LETM2: variants seen among roughly 807,000 people sequenced by gnomAD.
The protein encoded by LETM2 is LETM1 domain-containing protein LETM2, mitochondrial.
In LETM2, 58 loss-of-function variants were observed where a neutral mutation model predicts 59.6. That is an observed-to-expected ratio of 0.97 (90% confidence interval 0.79 to 1.21). LETM2 has a LOEUF of 1.21. Among genes scored for constraint, LETM2 ranks in the 50% most tolerant of loss-of-function variants. LETM2 has a pLI of 0.00. For missense variants in LETM2, 572 were observed against 575.7 expected (o/e 0.99, Z 0.07); for synonymous variants, 199 against 214.1 (o/e 0.93, Z 0.62).
chr8:38,390,875 G>T (rs1319155985), intron 2 of LETM2, among the ~76,000 whole-genome samples: 1 of 151,042 alleles, frequency 6.6e-6, no homozygotes, highest in Non-Finnish European at 1.5e-5. Flanking sequence ...TAGAGATGGG[G>T]TTTCACCATG....
intron 3 of LETM2, chr8:38,393,433 T>G: frequency 6.0e-6 from 1 of 166,210 alleles, no homozygotes; most frequent in Non-Finnish European, 1.3e-5. Context: ...TCACTTGAGG[T>G]CAGGAGTTCA....
rs1389953163 is a variant in LETM2, at chr8:38,400,944, C to T, written c.875C>T (p.Pro292Leu). 1.2e-6 allele frequency: 2 copies of T among 1,614,166 alleles called. No homozygotes were observed. The highest frequency in any genetic ancestry group is 2.2e-5 in the South Asian group (2 of 91,086). The change falls in exon 6 of 11, where the codon CCT becomes CTT. Residue 292 changes from proline (P) to leucine (L), a missense_variant. Pro to Leu is a moderately conservative substitution (Grantham distance 98). Transcript: ENST00000379957. ...CTGGCCCTGGAACACTTAGATCGCC[C>T]TCAGCTGGTTGCCCTTTGCAAACTG... is the stretch of plus-strand genomic sequence containing the variant. ...DQLALEHLDR[P>L]QLVALCKLLE...
At chr8:38,407,605 A>G (rs1813834894) in intron 10 of LETM2, 142 bp downstream of exon 10, 2 of 631,712 alleles carry the variant, frequency 3.2e-6, no homozygotes, top group Admixed American at 6.1e-5. Flanking sequence ...TTGTAGGCCA[A>G]ACTTTAGTCA....
At position 38,402,597 on chromosome 8, in the gene LETM2, A is replaced by G. The variant is rs1290691000; in HGVS notation, c.1057A>G (p.Arg353Gly). Residue 353 changes from arginine to glycine, a missense_variant, in exon 7 of 11, where the codon AGA (arginine) becomes GGA (glycine). Physicochemically the swap from Arg to Gly is moderately radical, Grantham distance 125. Coordinates refer to ENST00000379957, the MANE Select transcript of LETM2 (RefSeq NM_001286819.2). ...LQAACRARGM[R>G]SLGLTEEQLR... ...GGCTGCCTGTAGGGCCCGAGGGATG[A>G]GATCACTGGGTCTCACGGAGGAACA... 1 of 1,614,160 alleles carries G rather than the reference A, an allele frequency of 6.2e-7. No homozygotes were observed. Among genetic ancestry groups the G allele is most frequent in the Admixed American group, 1.7e-5 (1 of 60,022 alleles).
chr8:38,390,995 CTTTTGTTTTTGG>C (rs1448580933), intron 2 of LETM2, among the ~76,000 whole-genome samples: 3 of 151,384 alleles, frequency 2.0e-5, no homozygotes, highest in African/African-American at 4.8e-5. Context: ...ATTTTTTTTG[CTTTTGTTTTTGG>C]TTTTGTTTTT....
At chr8:38,393,216 A>T in intron 3 of LETM2, 1 of 491,834 alleles carries the variant, frequency 2.0e-6, no homozygotes, top group South Asian at 3.2e-5. Flanking sequence ...GTTTTTAAAA[A>T]AAACTTTTAT....
chr8:38,396,102 C>T (rs1277578632), intron 4 of LETM2, among the ~76,000 whole-genome samples: 1 of 151,874 alleles, frequency 6.6e-6, no homozygotes, highest in Non-Finnish European at 1.5e-5. Context: ...CTGTTTTATT[C>T]TAGAAGTTTT....
chr8:38,389,202 A>ATTAT (rs372262355), intron 2 of LETM2, among the ~76,000 whole-genome samples: 16,042 of 151,288 alleles, frequency 0.11, 996 homozygotes, highest in Middle Eastern at 0.15. Context: ...GTCTGTTACC[A>ATTAT]TTATTTATTT....
intron 4 of LETM2, among the ~76,000 whole-genome samples, chr8:38,395,835 T>C (rs1358045741): frequency 1.3e-5 from 2 of 152,110 alleles, no homozygotes; most frequent in South Asian, 2.1e-4. Context: ...ACTTTTTAAT[T>C]GGGTTTTTTT....
chr8:38,398,876 C>A (rs967161898), intron 4 of LETM2, among the ~76,000 whole-genome samples: 2 of 152,106 alleles, frequency 1.3e-5, no homozygotes, highest in Middle Eastern at 3.4e-3. Context: ...TGTGCCACCA[C>A]GCCCGGCTAA....
At chr8:38,407,926 T>C (rs530597448) in intron 10 of LETM2, 2 of 404,510 alleles carry the variant, frequency 4.9e-6, no homozygotes, top group Non-Finnish European at 9.1e-6. Context: ...AGTGGGGAGG[T>C]TGTGGGAGAG....
chr8:38,385,820 G>C (rs1287281018), upstream of LETM2, among the ~76,000 whole-genome samples: 2 of 152,210 alleles, frequency 1.3e-5, no homozygotes, highest in Admixed American at 6.5e-5. Context: ...GGCCATCCTA[G>C]GAACTGAAGT....
At chr8:38,404,643 T>G in intron 8 of LETM2, 137 bp downstream of exon 8, 1 of 623,350 alleles carries the variant, frequency 1.6e-6, no homozygotes, top group Non-Finnish European at 2.8e-6. Context: ...TTTATGTGTT[T>G]TAAAAATTTC....
In LETM2 at chr8:38,391,294, ATTTTAGTTTTTTTTTTTTTTTTTTT is replaced by A. The variant is rs1252111833; in HGVS notation, c.48-1241_48-1217del. On this transcript the variant is annotated intron_variant, in intron 2 of 10. Coordinates refer to ENST00000379957, the MANE Select transcript of LETM2 (RefSeq NM_001286819.2). ...ATCTGTCATATTTTTATTTTATTTT[ATTTTAGTTTTTTTTTTTTTTTTTTT>A]TTTTAGACAAGTCTCGCTTTGTCGC... 2.9e-5 allele frequency among the ~76,000 whole-genome samples: 3 copies of A among 104,492 alleles called. No homozygotes were observed. In the East Asian group the frequency reaches 8.6e-4, roughly 30 times the overall value. 68.6% of individuals were successfully genotyped at this position (104,492 alleles called of 152,430 possible).
chr8:38,402,649 G>T lies in LETM2; in HGVS notation c.1104+5G>T. On this transcript the variant is annotated splice_donor_5th_base_variant and intron_variant, in intron 7 of 10. Transcript: ENST00000379957. ...CTGCGACAACAGCTCACGGAGGCAA[G>T]TAGCAGCGCCCCTCTGGGGTCCTCT... The T allele has an allele frequency of 6.2e-7, 1 of 1,613,992 alleles. No individual in the cohort carries two copies. The highest frequency in any genetic ancestry group is 2.2e-5 in the East Asian group (1 of 44,880).
At chr8:38,397,157 A>T in intron 4 of LETM2, 2 of 455,964 alleles carry the variant, frequency 4.4e-6, no homozygotes. Flanking sequence ...ACAAAACATT[A>T]TGAGAAGACA....
intron 4 of LETM2, chr8:38,394,507 C>A (rs1221318324): frequency 1.7e-5 from 5 of 293,286 alleles, no homozygotes; most frequent in Non-Finnish European, 3.1e-5. Flanking sequence ...TTTCATGTAT[C>A]CACCATCACA....
At position 38,408,352 on chromosome 8, in the gene LETM2, A is replaced by ATCTGGG; in HGVS notation, c.*78_*79insTCTGGG. The ATCTGGG allele has an allele frequency of 4.8e-6, 6 of 1,253,808 alleles. No individual in the cohort carries two copies. The highest frequency in any genetic ancestry group is 2.4e-5 in the East Asian group (1 of 41,192). The allele number at this position is 1,253,808 out of a possible 1,614,324, so 77.7% of individuals were successfully genotyped here. ...GGCATCTGTAAAGGACCTCCCAGAT[A>ATCTGGG]AGACTGTCTGGCTTCAGAGAGCGGA... On this transcript the variant is annotated 3_prime_UTR_variant, in exon 11 of 11. Coordinates refer to ENST00000379957, the MANE Select transcript of LETM2 (RefSeq NM_001286819.2).
intron 2 of LETM2, among the ~76,000 whole-genome samples, chr8:38,391,181 C>CAAAAAAAAAAAAA (rs552521178): frequency 8.2e-4 from 42 of 50,944 alleles, no homozygotes; most frequent in East Asian, 3.0e-3. Context: ...CCTCCTGTCT[C>CAAAAAAAAAAAAA]AAAAAAAAAA....
Sources: allele counts gnomAD v4.1 joint callset (sites outside exome capture counted in the v4.1 genomes callset), GRCh38; gene constraint gnomAD v4.1.1; transcripts MANE v1.5; gene names NCBI Gene and HGNC (gene_info 2026-07-23, HGNC 2026-07-21).